FHDC1: variants seen among roughly 807,000 people sequenced by gnomAD.
The protein encoded by FHDC1 is FH2 domain containing 1.
In FHDC1, 25 loss-of-function variants were observed where a neutral mutation model predicts 52.6. The observed-to-expected ratio is 0.48, with a 90% confidence interval of 0.35 to 0.66. FHDC1 has a LOEUF of 0.66. FHDC1 is among the 30% of genes least tolerant of loss of function. FHDC1 has a pLI of 0.01. For missense variants in FHDC1, 1,459 were observed against 1,452.8 expected, an observed-to-expected ratio of 1.00 and a Z score of -0.07; for synonymous variants, 616 against 581.5, an observed-to-expected ratio of 1.06 and a Z score of -0.85.
intron 8 of FHDC1, among the ~76,000 whole-genome samples, chr4:152,964,545 T>C (rs1245613264): frequency 1.3e-5 from 2 of 152,188 alleles, no homozygotes; most frequent in Non-Finnish European, 2.9e-5. Context: ...GTTTGCAAAC[T>C]GGTTTAACAG....
rs769364032 is a variant in FHDC1 at position 152,976,448 on chromosome 4, C to G, written c.3157C>G (p.Pro1053Ala). 1.9e-6 allele frequency: 3 copies of G among 1,613,612 alleles called. No individual in the cohort carries two copies. In the African/African-American group the frequency reaches 4.0e-5, roughly 22 times the overall value. ...TCGAAGCATGAGAACAGATCTTCCT[C>G]CCGTGGCCAAAGCCCCCGGCATCAC... ...SSRSMRTDLP[P>A]VAKAPGITRT... The change falls in exon 12 of 12, where the codon CCC becomes GCC. Residue 1053 changes from proline (P) to alanine (A), a missense_variant. Around this residue, in one of 3 missense-constraint regions of FHDC1, gnomAD observed 939 missense variants for 854.5 expected, o/e 1.10. Coordinates refer to ENST00000511601, the MANE Select transcript of FHDC1 (RefSeq NM_001371116.1).
chr4:152,952,141 C>A (rs568050361), intron 2 of FHDC1, among the ~76,000 whole-genome samples: 3 of 152,194 alleles, frequency 2.0e-5, no homozygotes, highest in Non-Finnish European at 4.4e-5. Flanking sequence ...CACTACCTTA[C>A]ACCCTCCTAA....
the FHDC1 span, chr4:152,928,217 GT>G: frequency 1.3e-6 from 1 of 749,702 alleles, no homozygotes; most frequent in African/African-American, 1.7e-5. Context: ...TAGTTTCTCT[GT>G]CCTTACACAG....
At chr4:152,917,943 A>G in the FHDC1 span, among the ~76,000 whole-genome samples, 1 of 152,264 alleles carries the variant, frequency 6.6e-6, no homozygotes, top group East Asian at 1.9e-4. Context: ...TTCGTTAGAA[A>G]TAGCAAATGA....
In FHDC1 at chr4:152,978,214, G is replaced by C. The variant is rs992719775; in HGVS notation, c.*1491G>C. On this transcript the variant is annotated 3_prime_UTR_variant, in exon 12 of 12. Transcript: ENST00000511601. The stretch of plus-strand genomic sequence containing the variant: ...CCATTCGTGTGTCTGTTATAAAACT[G>C]AGTGAAGGCTGCTATGACCTGTGTT... The C allele has an allele frequency of 6.6e-6, 1 of 152,224 alleles. No homozygotes were observed. Among genetic ancestry groups the C allele is most frequent in the Non-Finnish European group, 1.5e-5 (1 of 68,062 alleles). 9.4% of individuals were successfully genotyped at this position (152,224 alleles called of 1,614,324 possible).
chr4:152,975,129 A>G lies in FHDC1; in HGVS notation c.1838A>G (p.Asn613Ser), dbSNP rs1235804106. The G allele has an allele frequency of 5.0e-6, 8 of 1,612,536 alleles. No individual in the cohort carries two copies. The highest frequency in any genetic ancestry group is 6.8e-6 in the Non-Finnish European group (8 of 1,179,970). Residue 613 changes from asparagine to serine, a missense_variant, in exon 12 of 12, where the codon AAC (asparagine) becomes AGC (serine). Asn to Ser is a conservative substitution (Grantham distance 46). This residue lies in a region of FHDC1 where 939 missense variants were observed against 854.5 expected (regional missense o/e 1.10). Transcript: ENST00000511601. ...QASGGQEEAP[N>S]PPSAQAHQLA... ...TCGGGGGGCCAGGAGGAGGCCCCCA[A>G]CCCACCCTCAGCACAGGCGCACCAG...
At chr4:152,926,549 C>T in the FHDC1 span, among the ~76,000 whole-genome samples, 1 of 147,716 alleles carries the variant, frequency 6.8e-6, no homozygotes, top group Non-Finnish European at 1.5e-5. Flanking sequence ...TGAGGTGATG[C>T]CATTGCTTTT....
chr4:152,950,625 G>A (rs915340632), intron 2 of FHDC1, among the ~76,000 whole-genome samples: 1 of 152,188 alleles, frequency 6.6e-6, no homozygotes, highest in African/African-American at 2.4e-5. Flanking sequence ...TAGGGCCAGG[G>A]CTCAGGCCCC....
rs1561219556 is a variant in FHDC1 at position 152,978,342 on chromosome 4, G to A, written c.*1619G>A. The A allele has an allele frequency of 2.0e-5, 3 of 152,182 alleles. No homozygotes were observed. The highest frequency in any genetic ancestry group is 7.2e-5 in the African/African-American group (3 of 41,428). The allele number at this position is 152,182 out of a possible 1,614,324, so 9.4% of individuals were successfully genotyped here. On this transcript the variant is annotated 3_prime_UTR_variant, in exon 12 of 12. Coordinates refer to ENST00000511601, the MANE Select transcript of FHDC1 (RefSeq NM_001371116.1). Reference sequence around the variant, plus strand: ...TCTTTTCTAACATGGCCTGGAGAGAGTCTCTCTCTCCTTGTCTCTGTCTCT... The same window carrying A: ...TCTTTTCTAACATGGCCTGGAGAGAATCTCTCTCTCCTTGTCTCTGTCTCT...
Position 152,976,176 on chromosome 4 carries a change from G to T in FHDC1, c.2885G>T (p.Ser962Ile). 1.2e-6 allele frequency: 2 copies of T among 1,612,232 alleles called. No homozygotes were observed. Among genetic ancestry groups the T allele is most frequent in the Non-Finnish European group, 1.7e-6 (2 of 1,179,656 alleles). ...GAGCAGAGGCTGCCGCGGGGGAGCA[G>T]CGGCTCCAGCAGCACCCGTCCGGGG... is the stretch of plus-strand genomic sequence containing the variant. ...AEEQRLPRGS[S>I]GSSSTRPGRD... is the part of the protein sequence containing the mutation. The change falls in exon 12 of 12, where the codon AGC (serine) becomes ATC (isoleucine). Residue 962 changes from serine (S) to isoleucine (I), a missense_variant. Physicochemically the swap from Ser to Ile is moderately radical, Grantham distance 142. Around this residue, in one of 3 missense-constraint regions of FHDC1, gnomAD observed 939 missense variants for 854.5 expected, o/e 1.10. Transcript: ENST00000511601.
chr4:152,945,843 G>T (rs543692903), intron 2 of FHDC1, among the ~76,000 whole-genome samples: 1 of 152,104 alleles, frequency 6.6e-6, no homozygotes, highest in Non-Finnish European at 1.5e-5. Flanking sequence ...AACACTTTTC[G>T]TGCTGCGGAA....
chr4:152,967,743 C>A (rs557686994), intron 9 of FHDC1, among the ~76,000 whole-genome samples: 6 of 152,306 alleles, frequency 3.9e-5, no homozygotes, highest in African/African-American at 1.4e-4. Context: ...GTTTATCTTA[C>A]CATCAAGAGT....
At chr4:152,921,588 C>CCTTCCTCCCTT in the FHDC1 span, among the ~76,000 whole-genome samples, 8 of 113,510 alleles carry the variant, frequency 7.0e-5, no homozygotes, top group Middle Eastern at 7.6e-3. Flanking sequence ...CTTCCTTCCT[C>CCTTCCTCCCTT]CCTCCCTCCC....
upstream of FHDC1, among the ~76,000 whole-genome samples, chr4:152,932,895 T>C (rs2149929511): frequency 6.6e-6 from 1 of 152,350 alleles, no homozygotes; most frequent in South Asian, 2.1e-4. Context: ...TAAAAGCCTC[T>C]CTGGGCCAAG....
At chr4:152,960,934 A>G (rs1468011668) in intron 6 of FHDC1, 90 bp downstream of exon 6, 4 of 910,380 alleles carry the variant, frequency 4.4e-6, no homozygotes, top group Non-Finnish European at 4.9e-6. Context: ...GGACATGGAA[A>G]GTCCTGAATT....
intron 1 of FHDC1, among the ~76,000 whole-genome samples, chr4:152,938,579 C>T (rs188057029): frequency 1.3e-5 from 2 of 152,308 alleles, no homozygotes; most frequent in Non-Finnish European, 2.9e-5. Context: ...TCCTTTTCTT[C>T]TCTCCCAAAT....
the FHDC1 span, among the ~76,000 whole-genome samples, chr4:152,914,892 T>C: frequency 2.8e-5 from 4 of 142,978 alleles, 1 homozygote; most frequent in Admixed American, 6.9e-5. Flanking sequence ...CTGTAAAAAC[T>C]TTTTTTTTTT....
rs1579106295 is a variant in FHDC1, at chr4:152,974,763, A to T, written c.1472A>T (p.Glu491Val). The T allele has an allele frequency of 3.9e-6, 6 of 1,531,774 alleles. No individual in the cohort carries two copies. In the East Asian group the frequency reaches 1.4e-4, roughly 35 times the overall value. The allele number at this position is 1,531,774 out of a possible 1,614,324, so 94.9% of individuals were successfully genotyped here. The change falls in exon 12 of 12, where the codon GAG becomes GTG. Residue 491 changes from glutamate to valine, a missense_variant. Coordinates refer to ENST00000511601, the MANE Select transcript of FHDC1 (RefSeq NM_001371116.1). ...EQKQRSWATG[E>V]LGAFGRSSSE... ...AAGCAGCGCTCCTGGGCAACTGGGGAGCTGGGGGCATTTGGCCGGAGCAGC... is the reference window on the plus strand; with the variant it reads ...AAGCAGCGCTCCTGGGCAACTGGGGTGCTGGGGGCATTTGGCCGGAGCAGC...
upstream of FHDC1, among the ~76,000 whole-genome samples, chr4:152,931,798 G>T (rs1467249071): frequency 6.6e-6 from 1 of 151,880 alleles, no homozygotes; most frequent in Non-Finnish European, 1.5e-5. Flanking sequence ...GTAGCTGGGC[G>T]TGGTGGCATG....
Sources: allele counts gnomAD v4.1 joint callset (sites outside exome capture counted in the v4.1 genomes callset), GRCh38; gene constraint gnomAD v4.1.1; regional missense constraint gnomAD v4.1.1; transcripts MANE v1.5; gene names NCBI Gene and HGNC (gene_info 2026-07-23, HGNC 2026-07-21).